SLC25A21: variants seen among roughly 807,000 people sequenced by gnomAD.
SLC25A21 encodes mitochondrial 2-oxodicarboxylate carrier.
Under a neutral mutation model 43.8 loss-of-function variants are expected in SLC25A21, and 47 were observed. The observed-to-expected ratio is 1.07, with a 90% CI of 0.85 to 1.37. The LOEUF is 1.37. SLC25A21 is among the 40% of genes most tolerant of loss of function. The pLI is 0.00. For synonymous variants in SLC25A21, 131 were observed against 121.3 expected (o/e 1.08, Z -0.52); for missense variants, 352 against 350.2 (o/e 1.00, Z -0.04).
intron 3 of SLC25A21, chr14:36,759,845 G>C (rs1403197404): frequency 6.6e-6 from 1 of 152,344 alleles, no homozygotes; most frequent in East Asian, 1.9e-4. Context: ...GCGCATGCCT[G>C]TAATCCCAGC....
At chr14:36,930,072 T>C (rs1010575025) in intron 1 of SLC25A21, among the ~76,000 whole-genome samples, 5 of 152,136 alleles carry the variant, frequency 3.3e-5, no homozygotes, top group East Asian at 1.9e-4. Context: ...CAGCCAGTCA[T>C]TGCAGCCTGG....
At position 36,776,945 on chromosome 14, in the gene SLC25A21, A is replaced by G. The variant is rs79660280; in HGVS notation, c.203+36973T>C. Among the ~76,000 whole-genome samples the G allele has an allele frequency of 3.0e-3, 452 of 152,224 alleles. 20 individuals are homozygous for G. In the East Asian group the frequency reaches 0.083, roughly 28 times the overall value. ...CTTCCTGAGAGGTCTTGATCTGCCA[A>G]TTATCCCCTTTCTCACATAAAACCT... On this transcript the variant is annotated intron_variant, in intron 3 of 9. Transcript: ENST00000331299.
chr14:36,711,594 A>AGATATG (rs1883875139), intron 6 of SLC25A21, 112 bp from the exon 7 acceptor site: 3 of 1,212,254 alleles, frequency 2.5e-6, no homozygotes, highest in Non-Finnish European at 3.4e-6. Flanking sequence ...TTTTTCCCCC[A>AGATATG]GATATGAATA....
chr14:37,052,436 G>A (rs1302129097), intron 1 of SLC25A21, among the ~76,000 whole-genome samples: 3 of 152,140 alleles, frequency 2.0e-5, no homozygotes, highest in Non-Finnish European at 4.4e-5. Context: ...TGATGACACA[G>A]ATTTTGGAAC....
chr14:37,156,158 CAAAAAAAA>C (rs61052100), intron 1 of SLC25A21, among the ~76,000 whole-genome samples: 1 of 103,818 alleles, frequency 9.6e-6, no homozygotes, highest in Non-Finnish European at 2.1e-5. Context: ...GACTCCATCT[CAAAAAAAA>C]AAAAAAAAAA....
chr14:36,862,545 T>C (rs1890098337), intron 2 of SLC25A21, among the ~76,000 whole-genome samples: 1 of 151,950 alleles, frequency 6.6e-6, no homozygotes, highest in African/African-American at 2.4e-5. Flanking sequence ...CACTCATAAG[T>C]GGGAGCTGAA....
At chr14:36,818,188 G>T (rs554160888) in intron 2 of SLC25A21, among the ~76,000 whole-genome samples, 2 of 152,246 alleles carry the variant, frequency 1.3e-5, no homozygotes, top group South Asian at 4.1e-4. Context: ...GCTATTTATG[G>T]GTGGGAAATA....
At chr14:36,681,826 A>C (rs1454255884) in intron 9 of SLC25A21, among the ~76,000 whole-genome samples, 1 of 152,176 alleles carries the variant, frequency 6.6e-6, no homozygotes, top group Admixed American at 6.5e-5. Context: ...TAACCCATGA[A>C]GATACTCTAT....
chr14:36,766,031 C>CTTT (rs11423214), intron 3 of SLC25A21, among the ~76,000 whole-genome samples: 8 of 149,812 alleles, frequency 5.3e-5, no homozygotes, highest in South Asian at 2.1e-4. Context: ...TCATTCCCTT[C>CTTT]TTTTTTTTTT....
chr14:36,776,031 T>C (rs923956188), intron 3 of SLC25A21, among the ~76,000 whole-genome samples: 1 of 151,964 alleles, frequency 6.6e-6, no homozygotes, highest in Non-Finnish European at 1.5e-5. Context: ...GGTTCAATAA[T>C]ACCTGCTTTT....
Position 37,054,016 on chromosome 14 carries a change from C to G in SLC25A21, c.70+118265G>C, listed in dbSNP as rs138134685. 1.8e-3 allele frequency among the ~76,000 whole-genome samples: 278 copies of G among 152,314 alleles called. 1 individual carries two copies. The highest frequency in any genetic ancestry group is 6.2e-3 in the African/African-American group (256 of 41,570). On this transcript the variant is annotated intron_variant, in intron 1 of 9. Coordinates refer to ENST00000331299, the MANE Select transcript of SLC25A21 (RefSeq NM_030631.4). ...TCCCATTGAGAGGTAAAATGTATTT[C>G]CCTTCTGCCTGATATGGTCTGGCTT... is the stretch of plus-strand genomic sequence containing the variant.
chr14:37,021,212 T>C (rs1960978859), intron 1 of SLC25A21, among the ~76,000 whole-genome samples: 1 of 152,092 alleles, frequency 6.6e-6, no homozygotes, highest in Admixed American at 6.6e-5. Flanking sequence ...CATTGTTATA[T>C]AGATGTAAAG....
intron 2 of SLC25A21, among the ~76,000 whole-genome samples, chr14:36,868,193 C>T (rs949871529): frequency 6.6e-6 from 1 of 152,058 alleles, no homozygotes; most frequent in African/African-American, 2.4e-5. Flanking sequence ...CCAGAAACTA[C>T]CCTTTGGCCT....
intron 1 of SLC25A21, among the ~76,000 whole-genome samples, chr14:37,058,446 C>A (rs1439002420): frequency 2.0e-5 from 3 of 152,112 alleles, no homozygotes; most frequent in Non-Finnish European, 2.9e-5. Flanking sequence ...GAAAGCATCT[C>A]AATATTTCTT....
intron 6 of SLC25A21, among the ~76,000 whole-genome samples, chr14:36,716,566 A>G (rs1227290856): frequency 3.9e-5 from 6 of 152,166 alleles, no homozygotes; most frequent in Admixed American, 2.6e-4. Flanking sequence ...AAATGTTAAA[A>G]AGAGAGAGAG....
chr14:36,787,994 A>G (rs1887311923), intron 3 of SLC25A21, among the ~76,000 whole-genome samples: 1 of 152,228 alleles, frequency 6.6e-6, no homozygotes, highest in Admixed American at 6.5e-5. Context: ...GTGGACGCTA[A>G]GCAACTATAA....
intron 3 of SLC25A21, among the ~76,000 whole-genome samples, chr14:36,760,389 A>G (rs144796816): frequency 1.4e-5 from 2 of 146,672 alleles, no homozygotes. Context: ...GGAAGGAAGG[A>G]AGGCAGGCCT....
intron 6 of SLC25A21, among the ~76,000 whole-genome samples, chr14:36,716,759 G>C (rs1884155368): frequency 6.6e-6 from 1 of 152,130 alleles, no homozygotes; most frequent in African/African-American, 2.4e-5. Flanking sequence ...TGAGATCACA[G>C]GCAGGATTTT....
At chr14:37,080,875 G>A (rs1566866709) in intron 1 of SLC25A21, among the ~76,000 whole-genome samples, 1 of 152,138 alleles carries the variant, frequency 6.6e-6, no homozygotes, top group Non-Finnish European at 1.5e-5. Flanking sequence ...TAACAGGACG[G>A]TGGCAGGGTC....
Sources: gnomAD v4.1 joint callset for allele counts (sites outside exome capture counted in the v4.1 genomes callset) on GRCh38, gnomAD v4.1.1 for gene constraint, MANE v1.5 for transcripts, NCBI Gene and HGNC (gene_info 2026-07-23, HGNC 2026-07-21) for gene names.